Variants in CTXND1 observed in about 807,000 individuals in gnomAD.
CTXND1 encodes the protein cortexin domain containing 1.
At chr15:80,220,606 A>G (rs1893304439) in intron 1 of CTXND1, among the ~76,000 whole-genome samples, 1 of 152,196 alleles carries the variant, frequency 6.6e-6, no homozygotes, top group African/African-American at 2.4e-5. Flanking sequence ...TTGCGATTAC[A>G]TTGCATTTAT....
chr15:80,196,799 T>C lies in CTXND1; in HGVS notation c.*4971A>G, dbSNP rs1302121705. On this transcript the variant is annotated 3_prime_UTR_variant, in exon 3 of 3. Transcript: ENST00000560778. ...AGGGTCCCCTGACCTTTAGCTTCTG[T>C]TGTTTTTGGCCAATGGAAGACCCAG... 6.6e-6 allele frequency: 1 copy of C among 152,222 alleles called. No homozygotes were observed. Among genetic ancestry groups the C allele is most frequent in the Non-Finnish European group, 1.5e-5 (1 of 68,086 alleles). The allele number at this position is 152,222 out of a possible 1,614,324, so 9.4% of individuals were successfully genotyped here. A position where few individuals can be genotyped will look rare whatever the true frequency, so the allele number is the denominator to read the frequency against.
At chr15:80,228,708 C>T (rs929388475) in intron 1 of CTXND1, among the ~76,000 whole-genome samples, 3 of 149,220 alleles carry the variant, frequency 2.0e-5, no homozygotes, top group African/African-American at 7.4e-5. Flanking sequence ...TGGCTCACTG[C>T]AACTTCTGCC....
intron 1 of CTXND1, among the ~76,000 whole-genome samples, chr15:80,238,200 A>G (rs1012984926): frequency 1.3e-5 from 2 of 152,048 alleles, no homozygotes; most frequent in Non-Finnish European, 2.9e-5. Flanking sequence ...CACTCAGTCA[A>G]TGACTCACCC....
At chr15:80,241,135 G>A (rs1369860168) in intron 1 of CTXND1, among the ~76,000 whole-genome samples, 2 of 152,110 alleles carry the variant, frequency 1.3e-5, no homozygotes, top group East Asian at 1.9e-4. Flanking sequence ...GGCAACTACC[G>A]GCCAACAAGA....
At chr15:80,241,635 G>C (rs925752325) in intron 1 of CTXND1, among the ~76,000 whole-genome samples, 13 of 152,316 alleles carry the variant, frequency 8.5e-5, no homozygotes, top group African/African-American at 2.9e-4. Context: ...GCACAGTGAG[G>C]ACAGCAAGCT....
At chr15:80,212,533 A>G (rs1033956514) in intron 1 of CTXND1, among the ~76,000 whole-genome samples, 2 of 152,208 alleles carry the variant, frequency 1.3e-5, no homozygotes, top group Admixed American at 1.3e-4. Context: ...CTCTGGAGAG[A>G]AAGCCAAAGG....
At position 80,200,123 on chromosome 15, in the gene CTXND1, G is replaced by A. The variant is rs2041441178; in HGVS notation, c.*1647C>T. On this transcript the variant is annotated 3_prime_UTR_variant, in exon 3 of 3. Transcript: ENST00000560778. ...CAAGTGGTTCCGGCTGGGAGATTTG[G>A]CCTGTAGGAAGCAGCCCTCAGAAGT... The A allele has an allele frequency of 6.6e-6, 1 of 152,424 alleles. No individual in the cohort carries two copies. The highest frequency in any genetic ancestry group is 3.4e-3 in the Middle Eastern group (1 of 294). 9.4% of individuals were successfully genotyped at this position (152,424 alleles called of 1,614,324 possible). A position where few individuals can be genotyped will look rare whatever the true frequency, so the allele number is the denominator to read the frequency against.
At position 80,197,460 on chromosome 15, in the gene CTXND1, C is replaced by T. The variant is rs755186483; in HGVS notation, c.*4310G>A. On this transcript the variant is annotated 3_prime_UTR_variant, in exon 3 of 3. Coordinates refer to ENST00000560778, the MANE Select transcript of CTXND1 (RefSeq NM_001352888.2). ...TTCATTAAACTGTCTTCAATCAGTG[C>T]TTCGTGTGTGCCATCTCTTTCCTGC... 7 of 152,240 alleles carry T rather than the reference C, an allele frequency of 4.6e-5. No homozygotes were observed. The highest frequency in any genetic ancestry group is 1.0e-4 in the Non-Finnish European group (7 of 68,078). The allele number at this position is 152,240 out of a possible 1,614,324, so 9.4% of individuals were successfully genotyped here. A position where few individuals can be genotyped will look rare whatever the true frequency, so the allele number is the denominator to read the frequency against.
At chr15:80,225,685 A>G (rs1433152279) in intron 1 of CTXND1, among the ~76,000 whole-genome samples, 1 of 152,172 alleles carries the variant, frequency 6.6e-6, no homozygotes, top group Non-Finnish European at 1.5e-5. Flanking sequence ...TTCAATTTCA[A>G]GGATTTTTTC....
intron 1 of CTXND1, among the ~76,000 whole-genome samples, chr15:80,251,102 A>T (rs377111841): frequency 3.3e-5 from 5 of 152,330 alleles, no homozygotes; most frequent in Admixed American, 2.0e-4. Context: ...CCACGAAGGC[A>T]GCACAGGCTT....
chr15:80,237,801 G>C (rs753642637), intron 1 of CTXND1, among the ~76,000 whole-genome samples: 2 of 152,044 alleles, frequency 1.3e-5, no homozygotes, highest in African/African-American at 2.4e-5. Flanking sequence ...CTGAGGTCAG[G>C]AGTTCGAGAC....
chr15:80,246,838 T>C (rs906276355), intron 1 of CTXND1, among the ~76,000 whole-genome samples: 1 of 152,184 alleles, frequency 6.6e-6, no homozygotes, highest in Non-Finnish European at 1.5e-5. Flanking sequence ...GAATCTGCAT[T>C]TTACAATGAG....
At chr15:80,213,599 T>C (rs1893222641) in intron 1 of CTXND1, among the ~76,000 whole-genome samples, 2 of 152,210 alleles carry the variant, frequency 1.3e-5, no homozygotes, top group African/African-American at 4.8e-5. Context: ...CAAGGAATGC[T>C]GGCAGTGACT....
chr15:80,235,735 A>T (rs1893487761), intron 1 of CTXND1, among the ~76,000 whole-genome samples: 1 of 151,822 alleles, frequency 6.6e-6, no homozygotes, highest in African/African-American at 2.4e-5. Context: ...TGCCACTATC[A>T]CAGGGCTACC....
chr15:80,220,144 A>G (rs1595906102), intron 1 of CTXND1, among the ~76,000 whole-genome samples: 2 of 60,484 alleles, frequency 3.3e-5, no homozygotes, highest in African/African-American at 1.3e-4. Flanking sequence ...CTATCTATCT[A>G]TCATCTATCT....
chr15:80,205,603 C>T (rs1019524550), intron 1 of CTXND1, among the ~76,000 whole-genome samples: 1 of 152,086 alleles, frequency 6.6e-6, no homozygotes, highest in Non-Finnish European at 1.5e-5. Context: ...GAGTTTTTTC[C>T]TTAGAAAACT....
chr15:80,203,175 G>A (rs1372267047), intron 2 of CTXND1, among the ~76,000 whole-genome samples: 5 of 152,102 alleles, frequency 3.3e-5, no homozygotes, highest in African/African-American at 9.7e-5. Flanking sequence ...GAGGAGGGCC[G>A]GCTGCTGCTC....
intron 1 of CTXND1, among the ~76,000 whole-genome samples, chr15:80,210,022 TAGA>T (rs1158504811): frequency 1.3e-5 from 2 of 152,252 alleles, no homozygotes; most frequent in Non-Finnish European, 2.9e-5. Flanking sequence ...TAAAAAGTTA[TAGA>T]AGATTAGAAA....
At position 80,231,572 on chromosome 15, in the gene CTXND1, A is replaced by G. The variant is rs145227894; in HGVS notation, c.-218+20435T>C. 6.9e-3 allele frequency among the ~76,000 whole-genome samples: 1,055 copies of G among 152,254 alleles called. 4 individuals carry two copies. Among genetic ancestry groups the G allele is most frequent in the Non-Finnish European group, 0.011 (739 of 68,006 alleles). On this transcript the variant is annotated intron_variant, in intron 1 of 2. Transcript: ENST00000560778. ...AAGAATGAAATAAGGGAGTTTGGAA[A>G]TTTCTTCTCGAGAAAATAGCTGGCT...
Sources: allele counts gnomAD v4.1 joint callset (sites outside exome capture counted in the v4.1 genomes callset), GRCh38; gene constraint gnomAD v4.1.1; transcripts MANE v1.5; gene names NCBI Gene and HGNC (gene_info 2026-07-23, HGNC 2026-07-21).